PTPRT: variants seen among roughly 807,000 people sequenced by gnomAD.
PTPRT encodes the protein receptor-type tyrosine-protein phosphatase T.
In PTPRT, 56 loss-of-function variants were observed where a neutral mutation model predicts 176.8. That is an observed-to-expected ratio of 0.32 (90% CI 0.26 to 0.40). PTPRT has a LOEUF of 0.40. PTPRT is among the 10% of genes least tolerant of loss of function. The pLI is 1.00. For missense variants in PTPRT, 1,540 were observed against 1,908.2 expected, an observed-to-expected ratio of 0.81 and a Z score of 3.60; for synonymous variants, 783 against 739.0, an observed-to-expected ratio of 1.06 and a Z score of -0.96.
chr20:42,179,990 C>T (rs1280538287), intron 16 of PTPRT, among the ~76,000 whole-genome samples: 4 of 152,190 alleles, frequency 2.6e-5, no homozygotes, highest in African/African-American at 9.7e-5. Context: ...AGGACAGATC[C>T]TGGATGCGGT....
intron 1 of PTPRT, among the ~76,000 whole-genome samples, chr20:42,960,233 A>G: frequency 6.6e-6 from 1 of 152,146 alleles, no homozygotes; most frequent in East Asian, 1.9e-4. Flanking sequence ...GTAATTTATC[A>G]ATTGTAGACG....
At chr20:42,228,954 G>T (rs1378989413) in intron 15 of PTPRT, among the ~76,000 whole-genome samples, 2 of 152,206 alleles carry the variant, frequency 1.3e-5, no homozygotes, top group African/African-American at 4.8e-5. Flanking sequence ...AAAGATATGA[G>T]CCCAGCGCTA....
chr20:43,114,708 A>G (rs1209516222), intron 1 of PTPRT, among the ~76,000 whole-genome samples: 2 of 152,210 alleles, frequency 1.3e-5, no homozygotes, highest in African/African-American at 4.8e-5. Context: ...TTGAGAAAAC[A>G]TAGATATGGT....
intron 4 of PTPRT, among the ~76,000 whole-genome samples, chr20:42,779,445 CA>C (rs2077183265): frequency 2.6e-5 from 4 of 152,182 alleles, no homozygotes; most frequent in Non-Finnish European, 5.9e-5. Context: ...ATGGGGCTGG[CA>C]TTCCAGGTAT....
chr20:43,046,363 T>C (rs1329501269), intron 1 of PTPRT, among the ~76,000 whole-genome samples: 1 of 151,720 alleles, frequency 6.6e-6, no homozygotes, highest in Non-Finnish European at 1.5e-5. Flanking sequence ...TGAGGTCAGA[T>C]CGAGACCATC....
chr20:42,087,063 G>C (rs1984041602), intron 27 of PTPRT, among the ~76,000 whole-genome samples: 1 of 151,508 alleles, frequency 6.6e-6, no homozygotes, highest in Non-Finnish European at 1.5e-5. Flanking sequence ...AATGTCTGAA[G>C]ACATTTTGAT....
At position 42,725,420 on chromosome 20, in the gene PTPRT, T is replaced by C. The variant is rs146256492; in HGVS notation, c.859+31042A>G. Among the ~76,000 whole-genome samples, 231 of 152,096 alleles carry C rather than the reference T, an allele frequency of 1.5e-3. 1 individual carries two copies. The highest frequency in any genetic ancestry group is 5.3e-3 in the African/African-American group (219 of 41,526). On this transcript the variant is annotated intron_variant, in intron 6 of 30. Transcript: ENST00000373187. Reference sequence around the variant, plus strand: ...GGGAGATTTATCATCTCAGGTGGGATTGGAAGAATGTATATGAGGTAGACA... The same window carrying C: ...GGGAGATTTATCATCTCAGGTGGGACTGGAAGAATGTATATGAGGTAGACA...
In PTPRT at chr20:42,218,918, G is replaced by A. The variant is rs539596083; in HGVS notation, c.2342+17311C>T. 7.3e-4 allele frequency among the ~76,000 whole-genome samples: 111 copies of A among 152,340 alleles called. 3 individuals carry two copies. In the South Asian group the frequency reaches 0.016, roughly 22 times the overall value. On this transcript the variant is annotated intron_variant, in intron 15 of 30. Coordinates refer to ENST00000373187, the MANE Select transcript of PTPRT (RefSeq NM_007050.6). ...ACTTTGGCTGTAAGAGGCAGTGCCA[G>A]CAAGACAACAGACAGCCGGTGGGCT...
the PTPRT span, among the ~76,000 whole-genome samples, chr20:42,059,909 G>A: frequency 6.6e-6 from 1 of 152,196 alleles, no homozygotes; most frequent in Admixed American, 6.5e-5. Context: ...AAGTCATGGA[G>A]ACTTTGGTTT....
At chr20:43,127,097 C>T (rs1002754077) in intron 1 of PTPRT, among the ~76,000 whole-genome samples, 1 of 151,988 alleles carries the variant, frequency 6.6e-6, no homozygotes, top group East Asian at 1.9e-4. Context: ...CTTTGGATTC[C>T]TCCTAATCCC....
At chr20:42,541,397 T>C (rs1203050577) in intron 7 of PTPRT, among the ~76,000 whole-genome samples, 1 of 151,974 alleles carries the variant, frequency 6.6e-6, no homozygotes, top group Non-Finnish European at 1.5e-5. Flanking sequence ...GACAAAGGAA[T>C]ACAGTCAAAA....
At chr20:42,887,829 G>T (rs1377008286) in intron 1 of PTPRT, among the ~76,000 whole-genome samples, 1 of 152,158 alleles carries the variant, frequency 6.6e-6, no homozygotes, top group Non-Finnish European at 1.5e-5. Context: ...TTCATATGTT[G>T]AAGCCTAATC....
At chr20:42,844,202 G>A (rs562031110) in intron 2 of PTPRT, among the ~76,000 whole-genome samples, 113 of 152,220 alleles carry the variant, frequency 7.4e-4, no homozygotes, top group African/African-American at 2.7e-3. Context: ...TAGCATTGGC[G>A]GTCATTGCAG....
intron 1 of PTPRT, among the ~76,000 whole-genome samples, chr20:42,972,285 G>A (rs80108789): frequency 6.6e-6 from 1 of 151,222 alleles, no homozygotes; most frequent in Non-Finnish European, 1.5e-5. Flanking sequence ...AAGTTGGAAA[G>A]TAATGGCTAG....
At chr20:42,742,934 AC>A (rs2076633563) in intron 6 of PTPRT, among the ~76,000 whole-genome samples, 1 of 151,912 alleles carries the variant, frequency 6.6e-6, no homozygotes. Context: ...CAGCCTCCTC[AC>A]CTCCCCTTAC....
chr20:42,145,239 C>T (rs764815427), intron 17 of PTPRT, among the ~76,000 whole-genome samples: 17 of 152,296 alleles, frequency 1.1e-4, no homozygotes, highest in Non-Finnish European at 1.8e-4. Flanking sequence ...CAGTGGCTCA[C>T]GCCTGTAATC....
At chr20:42,635,418 T>C (rs911866620) in intron 7 of PTPRT, among the ~76,000 whole-genome samples, 4 of 152,136 alleles carry the variant, frequency 2.6e-5, no homozygotes, top group African/African-American at 9.7e-5. Flanking sequence ...GAATATAGGT[T>C]AAGATGAAAT....
chr20:42,203,215 T>C (rs1387218362), intron 15 of PTPRT, among the ~76,000 whole-genome samples: 1 of 152,238 alleles, frequency 6.6e-6, no homozygotes, highest in Non-Finnish European at 1.5e-5. Context: ...TGGGGATCTA[T>C]ATCTATTCTT....
intron 11 of PTPRT, among the ~76,000 whole-genome samples, chr20:42,326,244 AG>A: frequency 6.6e-6 from 1 of 152,290 alleles, no homozygotes; most frequent in Middle Eastern, 3.4e-3. Flanking sequence ...AGCAAGGTGG[AG>A]GTTTTAGTAC....
Sources: gnomAD v4.1 joint callset for allele counts (sites outside exome capture counted in the v4.1 genomes callset) on GRCh38, gnomAD v4.1.1 for gene constraint, MANE v1.5 for transcripts, NCBI Gene and HGNC (gene_info 2026-07-23, HGNC 2026-07-21) for gene names.